The following ZRANB3 variants were observed in gnomAD, a reference collection of about 807,000 sequenced individuals.
ZRANB3 encodes DNA annealing helicase and endonuclease ZRANB3.
In ZRANB3, 125 loss-of-function variants were observed where a neutral mutation model predicts 133.8. The ratio of observed to expected loss-of-function variants is 0.93; its 90% CI spans 0.81 to 1.08. The LOEUF is 1.08. ZRANB3 is among the 50% of genes least tolerant of loss of function. The pLI is 0.00. For synonymous variants in ZRANB3, 387 were observed against 432.7 expected, an observed-to-expected ratio of 0.89 and a Z score of 1.31; for missense variants, 1,229 against 1,275.5, an observed-to-expected ratio of 0.96 and a Z score of 0.56.
At chr2:135,505,579 A>C (rs908553869) in intron 1 of ZRANB3, among the ~76,000 whole-genome samples, 2 of 145,720 alleles carry the variant, frequency 1.4e-5, no homozygotes, top group Non-Finnish European at 3.1e-5. Flanking sequence ...GTCTCAAGGA[A>C]AAAAAAAAAA....
chr2:135,326,947 A>G (rs957743343), intron 6 of ZRANB3, among the ~76,000 whole-genome samples: 12 of 151,328 alleles, frequency 7.9e-5, no homozygotes, highest in Non-Finnish European at 1.6e-4. Context: ...TACTCTTTAG[A>G]GACATATGTG....
At chr2:135,384,648 A>T (rs562460486) in intron 3 of ZRANB3, among the ~76,000 whole-genome samples, 8 of 152,316 alleles carry the variant, frequency 5.3e-5, no homozygotes, top group Middle Eastern at 3.4e-3. Flanking sequence ...ATCCACCATG[A>T]TCAAGTCGGC....
intron 6 of ZRANB3, chr2:135,345,085 A>AAAAGTAG (rs1430879742): frequency 6.6e-6 from 1 of 152,294 alleles, no homozygotes; most frequent in East Asian, 1.9e-4. Context: ...TTCAAAAATA[A>AAAAGTAG]AAAGTAGAAA....
intron 14 of ZRANB3, among the ~76,000 whole-genome samples, chr2:135,225,173 GAAAT>G (rs1325266157): frequency 1.3e-5 from 2 of 152,160 alleles, no homozygotes; most frequent in African/African-American, 4.8e-5. Context: ...ACACCTTTTA[GAAAT>G]AAATAGTGCA....
intron 17 of ZRANB3, 117 bp downstream of exon 17, chr2:135,217,348 A>T (rs1311635917): frequency 2.0e-6 from 2 of 999,206 alleles, no homozygotes; most frequent in Non-Finnish European, 2.8e-6. Flanking sequence ...TTTATGCATA[A>T]TTTTCTCATA....
At chr2:135,470,824 T>C (rs1295533351) in intron 2 of ZRANB3, among the ~76,000 whole-genome samples, 18 of 149,054 alleles carry the variant, frequency 1.2e-4, no homozygotes, top group African/African-American at 3.2e-4. Flanking sequence ...TTTTTTGAGA[T>C]GGAGTCTCAC....
intron 3 of ZRANB3, among the ~76,000 whole-genome samples, chr2:135,363,448 T>C (rs976996810): frequency 1.3e-5 from 2 of 152,238 alleles, no homozygotes; most frequent in Non-Finnish European, 2.9e-5. Flanking sequence ...CAGATAAAAT[T>C]TGAAGTTCAG....
At chr2:135,392,446 C>A (rs1435200488) in intron 2 of ZRANB3, among the ~76,000 whole-genome samples, 1 of 149,348 alleles carries the variant, frequency 6.7e-6, no homozygotes, top group Non-Finnish European at 1.5e-5. Flanking sequence ...AGATTTATTT[C>A]TATATATAAA....
intron 2 of ZRANB3, among the ~76,000 whole-genome samples, chr2:135,468,818 A>G (rs1691120126): frequency 1.3e-5 from 2 of 152,336 alleles, no homozygotes; most frequent in South Asian, 4.1e-4. Context: ...ACATATTTGC[A>G]AACAATGATT....
chr2:135,528,852 G>A (rs1458783460), intron 1 of ZRANB3, among the ~76,000 whole-genome samples: 1 of 145,816 alleles, frequency 6.9e-6, no homozygotes, highest in East Asian at 2.0e-4. Context: ...TCACTCGTTA[G>A]TATTGGACAC....
At chr2:135,378,147 C>A (rs1686510392) in intron 3 of ZRANB3, among the ~76,000 whole-genome samples, 1 of 152,150 alleles carries the variant, frequency 6.6e-6, no homozygotes, top group South Asian at 2.1e-4. Flanking sequence ...ATATATGTAT[C>A]TATCCTATTA....
At chr2:135,486,626 G>T (rs780114714) in intron 2 of ZRANB3, among the ~76,000 whole-genome samples, 48 of 151,906 alleles carry the variant, frequency 3.2e-4, no homozygotes, top group Admixed American at 8.5e-4. Context: ...CAATTCTCCT[G>T]CCTCAGCCTT....
chr2:135,337,162 G>A (rs1573933675), intron 6 of ZRANB3, among the ~76,000 whole-genome samples: 1 of 152,142 alleles, frequency 6.6e-6, no homozygotes, highest in African/African-American at 2.4e-5. Context: ...ATCTAAACCC[G>A]ATACCCACCA....
intron 2 of ZRANB3, among the ~76,000 whole-genome samples, chr2:135,496,902 C>T (rs1262619659): frequency 6.6e-6 from 1 of 152,120 alleles, no homozygotes; most frequent in African/African-American, 2.4e-5. Context: ...CACAGTTCTC[C>T]CTTGCTTATC....
At chr2:135,249,168 A>G (rs747123804) in intron 12 of ZRANB3, among the ~76,000 whole-genome samples, 1 of 152,232 alleles carries the variant, frequency 6.6e-6, no homozygotes, top group Non-Finnish European at 1.5e-5. Flanking sequence ...TAGTTCAACT[A>G]TTGTGGAAAG....
At chr2:135,269,645 T>C (rs185695031) in intron 10 of ZRANB3, among the ~76,000 whole-genome samples, 1 of 152,334 alleles carries the variant, frequency 6.6e-6, no homozygotes, top group East Asian at 1.9e-4. Context: ...TATGTCTCAA[T>C]ATATACAATG....
chr2:135,233,186 A>C (rs2105071815), intron 12 of ZRANB3, among the ~76,000 whole-genome samples: 1 of 152,364 alleles, frequency 6.6e-6, no homozygotes, highest in East Asian at 1.9e-4. Flanking sequence ...TGGAAGAAAG[A>C]CTATCAGTGA....
rs1400093254 is a variant in ZRANB3 at position 135,408,027 on chromosome 2, G to A, written c.162-17207C>T. 4.6e-5 allele frequency among the ~76,000 whole-genome samples: 7 copies of A among 151,860 alleles called. No individual in the cohort carries two copies. In the East Asian group the frequency reaches 1.4e-3, roughly 29 times the overall value. ...CACAGCAAAAGAAACTACCATCAGAGTGAACAGGCAACCTACAGAATGGGA... is the reference window on the plus strand; with the variant it reads ...CACAGCAAAAGAAACTACCATCAGAATGAACAGGCAACCTACAGAATGGGA... On this transcript the variant is annotated intron_variant, in intron 2 of 20. Transcript: ENST00000264159.
At chr2:135,224,196 C>T (rs767000201) in intron 15 of ZRANB3, among the ~76,000 whole-genome samples, 5 of 152,154 alleles carry the variant, frequency 3.3e-5, no homozygotes, top group Non-Finnish European at 5.9e-5. Flanking sequence ...TCCAAGATTA[C>T]ATACTAACAG....
Sources: allele counts gnomAD v4.1 joint callset (sites outside exome capture counted in the v4.1 genomes callset), GRCh38; gene constraint gnomAD v4.1.1; transcripts MANE v1.5; gene names NCBI Gene and HGNC (gene_info 2026-07-23, HGNC 2026-07-21).